Variants in TRPC7 observed in about 807,000 individuals in gnomAD.
The protein encoded by TRPC7 is transient receptor potential cation channel subfamily C member 7.
A neutral mutation model predicts 90.1 loss-of-function variants in TRPC7; 42 were observed. The ratio of observed to expected loss-of-function variants is 0.47; its 90% CI spans 0.36 to 0.60. The LOEUF (loss-of-function observed/expected upper bound fraction) is 0.60, where lower values mean the gene tolerates loss of function less well. Ranked by LOEUF, TRPC7 falls within the 20% of genes least tolerant of loss-of-function variation. TRPC7 has a pLI of 0.00. For missense variants in TRPC7, 955 were observed against 1,112.3 expected, an observed-to-expected ratio of 0.86 and a Z score of 2.01; for synonymous variants, 451 against 436.3, an observed-to-expected ratio of 1.03 and a Z score of -0.42.
chr5:136,266,405 T>G lies in TRPC7; in HGVS notation c.1160A>C (p.Lys387Thr). The G allele has an allele frequency of 6.2e-7, 1 of 1,613,780 alleles. No individual in the cohort carries two copies. Among genetic ancestry groups the G allele is most frequent in the Non-Finnish European group, 8.5e-7 (1 of 1,179,778 alleles). The change falls in exon 5 of 12, where the codon AAG becomes ACG. Residue 387 changes from lysine (K) to threonine (T), a missense_variant. Coordinates refer to ENST00000513104, the MANE Select transcript of TRPC7 (RefSeq NM_020389.3). The stretch of plus-strand genomic sequence containing the variant: ...AAAAGAAACTGCATGAGCTACAAAC[T>G]TCATGAAAGGGCTCCTCAGGGTTCG... ...LGRTLRSPFM[K>T]FVAHAVSFTI...
chr5:136,303,964 T>G (rs1160933486), intron 3 of TRPC7: 14 of 152,024 alleles, frequency 9.2e-5, no homozygotes, highest in Admixed American at 5.2e-4. Context: ...GGTATTGACG[T>G]CCAGGCTCCT....
chr5:136,234,884 T>G (rs1755938951), intron 7 of TRPC7, among the ~76,000 whole-genome samples: 1 of 152,186 alleles, frequency 6.6e-6, no homozygotes, highest in Non-Finnish European at 1.5e-5. Flanking sequence ...TGGGCAGAGT[T>G]ATGTCCAATT....
At chr5:136,234,201 A>C (rs972860754) in intron 7 of TRPC7, among the ~76,000 whole-genome samples, 1 of 152,212 alleles carries the variant, frequency 6.6e-6, no homozygotes, top group African/African-American at 2.4e-5. Flanking sequence ...GCTCTACAAA[A>C]GGCCCAAACT....
At chr5:136,339,940 A>G (rs984945561) in intron 2 of TRPC7, among the ~76,000 whole-genome samples, 4 of 150,630 alleles carry the variant, frequency 2.7e-5, no homozygotes, top group Non-Finnish European at 5.9e-5. Context: ...AGCCATAGAA[A>G]TACTAGAAGA....
At chr5:136,311,878 G>A (rs1758844623) in intron 3 of TRPC7, among the ~76,000 whole-genome samples, 1 of 152,220 alleles carries the variant, frequency 6.6e-6, no homozygotes, top group African/African-American at 2.4e-5. Flanking sequence ...TGTAGGCATT[G>A]ACTGTGAGCA....
chr5:136,280,800 G>A (rs1310277762), intron 3 of TRPC7, among the ~76,000 whole-genome samples: 1 of 152,138 alleles, frequency 6.6e-6, no homozygotes, highest in African/African-American at 2.4e-5. Flanking sequence ...TATTTGTTGA[G>A]CACTATTCTG....
chr5:136,358,319 C>T (rs1760455641), intron 1 of TRPC7, among the ~76,000 whole-genome samples: 1 of 152,164 alleles, frequency 6.6e-6, no homozygotes, highest in African/African-American at 2.4e-5. Context: ...TAGTGTAGAG[C>T]TTAATACTAA....
At chr5:136,231,237 C>T (rs2149797074) in intron 8 of TRPC7, 117 bp downstream of exon 8, 4 of 923,352 alleles carry the variant, frequency 4.3e-6, no homozygotes, top group South Asian at 2.1e-5. Flanking sequence ...CTGTTCTTTG[C>T]TGTTCTGGCT....
Position 136,281,992 on chromosome 5 carries a change from T to C in TRPC7, c.964-7155A>G, listed in dbSNP as rs1157352055. 2.0e-5 allele frequency among the ~76,000 whole-genome samples: 3 copies of C among 152,242 alleles called. No individual in the cohort carries two copies. The East Asian group carries it at 5.8e-4, about 29-fold the overall frequency. Reference sequence around the variant, plus strand: ...CTAAAGTAGAGAAACTTGATTATCATTAAAAGCAGTTTTTCTTGCATGAAT... The same window carrying C: ...CTAAAGTAGAGAAACTTGATTATCACTAAAAGCAGTTTTTCTTGCATGAAT... On this transcript the variant is annotated intron_variant, in intron 3 of 11. Transcript: ENST00000513104.
At chr5:136,285,288 C>T (rs1288049470) in intron 3 of TRPC7, among the ~76,000 whole-genome samples, 1 of 152,086 alleles carries the variant, frequency 6.6e-6, no homozygotes. Context: ...TTTGTACATA[C>T]ACTTGCTTTC....
intron 2 of TRPC7, among the ~76,000 whole-genome samples, chr5:136,336,163 A>T (rs576360007): frequency 6.6e-6 from 1 of 152,164 alleles, no homozygotes; most frequent in Admixed American, 6.5e-5. Context: ...CTCTTCTGAG[A>T]AGCTTTCTCT....
intron 11 of TRPC7, among the ~76,000 whole-genome samples, chr5:136,214,941 A>G (rs1271280359): frequency 6.6e-6 from 1 of 152,244 alleles, no homozygotes; most frequent in East Asian, 1.9e-4. Flanking sequence ...TGCTTAAAAT[A>G]GACTGGAAAA....
chr5:136,353,837 A>T (rs1561731186), intron 2 of TRPC7, among the ~76,000 whole-genome samples: 2 of 152,212 alleles, frequency 1.3e-5, no homozygotes, highest in Non-Finnish European at 2.9e-5. Flanking sequence ...GGTGTTCTTA[A>T]TTGTCCACAA....
At chr5:136,316,350 T>C (rs1263349469) in intron 2 of TRPC7, among the ~76,000 whole-genome samples, 3 of 151,842 alleles carry the variant, frequency 2.0e-5, no homozygotes, top group Admixed American at 1.3e-4. Flanking sequence ...TATGCTAAAA[T>C]TGGAAAAAAA....
chr5:136,349,733 T>G (rs1760130130), intron 2 of TRPC7, among the ~76,000 whole-genome samples: 1 of 152,144 alleles, frequency 6.6e-6, no homozygotes, highest in Non-Finnish European at 1.5e-5. Context: ...TTGGACAGAT[T>G]AGGGTAAGAG....
chr5:136,276,855 A>G (rs1467445151), intron 3 of TRPC7, among the ~76,000 whole-genome samples: 1 of 152,216 alleles, frequency 6.6e-6, no homozygotes, highest in Non-Finnish European at 1.5e-5. Context: ...TAGTCATAGC[A>G]CAGTCTCAGA....
chr5:136,312,101 C>G (rs1290800150), intron 3 of TRPC7, among the ~76,000 whole-genome samples: 1 of 152,132 alleles, frequency 6.6e-6, no homozygotes, highest in Non-Finnish European at 1.5e-5. Context: ...CTGGGACTGA[C>G]TTCAATAGGC....
At chr5:136,248,649 T>A (rs1269684691) in intron 6 of TRPC7, among the ~76,000 whole-genome samples, 1 of 152,146 alleles carries the variant, frequency 6.6e-6, no homozygotes, top group Admixed American at 6.5e-5. Context: ...CTGTTCCAGG[T>A]AGGCAAGGGT....
intron 10 of TRPC7, among the ~76,000 whole-genome samples, chr5:136,222,792 C>A (rs1030923816): frequency 6.6e-6 from 1 of 152,192 alleles, no homozygotes; most frequent in Non-Finnish European, 1.5e-5. Flanking sequence ...AGGGGGGGCC[C>A]TCTGAGTCAG....
Sources: gnomAD v4.1 joint callset for allele counts (sites outside exome capture counted in the v4.1 genomes callset) on GRCh38, gnomAD v4.1.1 for gene constraint, MANE v1.5 for transcripts, NCBI Gene and HGNC (gene_info 2026-07-23, HGNC 2026-07-21) for gene names.